TET3: variants seen among roughly 807,000 people sequenced by gnomAD.
TET3 encodes tet methylcytosine dioxygenase 3, also known as methylcytosine dioxygenase TET3.
TET3 carries 19 observed loss-of-function variants against 141.4 expected under a neutral mutation model. The ratio of observed to expected loss-of-function variants is 0.13; its 90% confidence interval spans 0.09 to 0.20. The LOEUF (loss-of-function observed/expected upper bound fraction) is 0.20, where lower values mean the gene tolerates loss of function less well. Ranked by LOEUF, TET3 falls within the 10% of genes least tolerant of loss-of-function variation. The probability of loss-of-function intolerance (pLI) is 1.00; values close to 1 mark genes in which losing one functional copy is unlikely to be tolerated. For missense variants in TET3, 1,874 were observed against 2,356.9 expected, an observed-to-expected ratio of 0.80 and a Z score of 4.24; for synonymous variants, 1,043 against 980.9, an observed-to-expected ratio of 1.06 and a Z score of -1.18.
In TET3 at chr2:74,047,271, A is replaced by G. The variant is rs376199025; in HGVS notation, c.1354A>G (p.Met452Val). 3.1e-6 allele frequency: 5 copies of G among 1,613,832 alleles called. No homozygotes were observed. The highest frequency in any genetic ancestry group is 4.2e-6 in the Non-Finnish European group (5 of 1,179,900). The change falls in exon 4 of 12, where the codon ATG (methionine) becomes GTG (valine). Residue 452 changes from methionine to valine, a missense_variant. Coordinates refer to ENST00000409262, the MANE Select transcript of TET3 (RefSeq NM_001287491.2). Reference sequence around the variant, plus strand: ...AGCAACGCCCCGGAGCTCCTGGCCCATGCCTCGCCCAAGCCCCGATCCCAT... The same window carrying G: ...AGCAACGCCCCGGAGCTCCTGGCCCGTGCCTCGCCCAAGCCCCGATCCCAT... ...PPATPRSSWP[M>V]PRPSPDPMAE...
chr2:74,110,642 C>T (rs1691680733), downstream of TET3, among the ~76,000 whole-genome samples: 1 of 152,172 alleles, frequency 6.6e-6, no homozygotes, highest in Admixed American at 6.5e-5. Context: ...ACCTCATCCC[C>T]ACTCCAGAGG....
chr2:74,059,446 GGTTTC>G (rs1558756437), intron 4 of TET3, among the ~76,000 whole-genome samples: 1 of 152,182 alleles, frequency 6.6e-6, no homozygotes, highest in Non-Finnish European at 1.5e-5. Flanking sequence ...GTAGAGACAG[GGTTTC>G]GCCAGGTTGG....
intron 5 of TET3, among the ~76,000 whole-genome samples, chr2:74,076,608 CTT>C (rs565794507): frequency 9.9e-5 from 14 of 141,696 alleles, no homozygotes; most frequent in Non-Finnish European, 1.1e-4. Flanking sequence ...ACCAGCATAC[CTT>C]TTTTTTTTTT....
At chr2:74,096,782 A>G (rs1212665787) in intron 10 of TET3, among the ~76,000 whole-genome samples, 19 of 142,968 alleles carry the variant, frequency 1.3e-4, no homozygotes, top group African/African-American at 4.7e-4. Context: ...AAAAAAAAAG[A>G]AAGAAAGAAA....
Position 74,047,874 on chromosome 2 carries a change from G to A in TET3, c.1957G>A (p.Gly653Ser), listed in dbSNP as rs370432180. 7 of 1,612,848 alleles carry A rather than the reference G, an allele frequency of 4.3e-6. No individual in the cohort carries two copies. The African/African-American group carries it at 8.0e-5, about 18-fold the overall frequency. Reference protein sequence around the residue: ...HPPAPLPASQGSAVPLPPEPS... With the variant: ...HPPAPLPASQSSAVPLPPEPS... ...ACCGGCCCCTCTGCCTGCCTCACAG[G>A]GCTCTGCTGTGCCCCTGCCCCCAGA... is the stretch of plus-strand genomic sequence containing the variant. The change falls in exon 4 of 12, where the codon GGC becomes AGC. Residue 653 changes from glycine (G) to serine (S), a missense_variant. Physicochemically the swap from Gly to Ser is moderately conservative, Grantham distance 56. Around this residue, in one of 10 missense-constraint regions of TET3, gnomAD observed 484 missense variants for 462.2 expected, o/e 1.05. Coordinates refer to ENST00000409262, the MANE Select transcript of TET3 (RefSeq NM_001287491.2).
chr2:74,030,150 A>C (rs1686601038), intron 3 of TET3, among the ~76,000 whole-genome samples: 1 of 152,204 alleles, frequency 6.6e-6, no homozygotes, highest in African/African-American at 2.4e-5. Flanking sequence ...TGAATACATA[A>C]TTATGTATGC....
chr2:74,072,658 A>G (rs1318448421), intron 4 of TET3, among the ~76,000 whole-genome samples: 1 of 152,210 alleles, frequency 6.6e-6, no homozygotes, highest in Non-Finnish European at 1.5e-5. Flanking sequence ...CATTAATTAC[A>G]TTCACAATAT....
At chr2:74,120,167 C>A in the TET3 span, among the ~76,000 whole-genome samples, 3 of 152,242 alleles carry the variant, frequency 2.0e-5, no homozygotes, top group Middle Eastern at 3.2e-3. Context: ...CTGCTTCGGG[C>A]TCCTCCCGGG....
chr2:73,992,439 G>T (rs1183705218), intron 2 of TET3, among the ~76,000 whole-genome samples: 1 of 151,714 alleles, frequency 6.6e-6, no homozygotes, highest in Non-Finnish European at 1.5e-5. Flanking sequence ...TCAGCCTCCC[G>T]AGTAGCTGGG....
Position 74,047,894 on chromosome 2 carries a change from C to G in TET3, c.1977C>G (p.Pro659=). Residue 659 remains proline (P), a synonymous_variant, in exon 4 of 12, where the codon CCC becomes CCG. Transcript: ENST00000409262. ...CACAGGGCTCTGCTGTGCCCCTGCC[C>G]CCAGAACCTTCTCTTGCGCTATTTG... ...PASQGSAVPL[P]PEPSLALFAP... is the part of the protein sequence containing the mutation. 3 of 1,613,408 alleles carry G rather than the reference C, an allele frequency of 1.9e-6. No homozygotes were observed. The highest frequency in any genetic ancestry group is 2.5e-6 in the Non-Finnish European group (3 of 1,179,664).
chr2:74,092,526 C>A (rs1275904873), intron 8 of TET3, among the ~76,000 whole-genome samples: 1 of 152,134 alleles, frequency 6.6e-6, no homozygotes, highest in Non-Finnish European at 1.5e-5. Context: ...AGGAAAGATC[C>A]ACAGTTGTTG....
rs13410625 is a variant in TET3, at chr2:74,061,910, G to A, written c.2495-11639G>A. 6.7e-3 allele frequency among the ~76,000 whole-genome samples: 1,009 copies of A among 150,740 alleles called. 14 individuals carry two copies. Among genetic ancestry groups the A allele is most frequent in the African/African-American group, 0.024 (973 of 40,830 alleles). On this transcript the variant is annotated intron_variant, in intron 4 of 11. Transcript: ENST00000409262. ...TCACTTCCTAGATGGGATGGCGGCC[G>A]GGCAGAGATGCTCCTCACTTTCCAG...
chr2:74,070,003 A>G (rs146024656), intron 4 of TET3, among the ~76,000 whole-genome samples: 103 of 152,326 alleles, frequency 6.8e-4, no homozygotes, highest in African/African-American at 2.2e-3. Context: ...AAGTTGAACC[A>G]TATAAAATTA....
upstream of TET3, among the ~76,000 whole-genome samples, chr2:73,984,379 C>T (rs1488096737): frequency 6.6e-6 from 1 of 152,210 alleles, no homozygotes; most frequent in African/African-American, 2.4e-5. The surrounding 1 kb of genome is among the most constrained non-coding windows in gnomAD (Gnocchi z 5.6). Context: ...GCCGGCCAGG[C>T]TGACTCGGTA....
At chr2:74,038,248 A>G (rs765826345) in intron 3 of TET3, among the ~76,000 whole-genome samples, 2 of 152,178 alleles carry the variant, frequency 1.3e-5, no homozygotes, top group African/African-American at 2.4e-5. Context: ...CATGGAGTGT[A>G]GTGAAGAGTT....
At chr2:74,007,559 C>T (rs563629518) in intron 3 of TET3, among the ~76,000 whole-genome samples, 2 of 152,288 alleles carry the variant, frequency 1.3e-5, no homozygotes, top group South Asian at 2.1e-4. Context: ...AGAGTGTGGG[C>T]CCCGCAGCCC....
chr2:74,033,397 G>A (rs1686860620), intron 3 of TET3, among the ~76,000 whole-genome samples: 1 of 152,182 alleles, frequency 6.6e-6, no homozygotes, highest in Non-Finnish European at 1.5e-5. Context: ...CAAATATTAT[G>A]TACTTCCCCC....
At chr2:74,061,418 G>A (rs1466714903) in intron 4 of TET3, among the ~76,000 whole-genome samples, 4 of 144,880 alleles carry the variant, frequency 2.8e-5, no homozygotes, top group East Asian at 2.1e-4. Flanking sequence ...AGGGCGGGGG[G>A]CTGACCCCCC....
At chr2:74,126,416 C>G in the TET3 span, among the ~76,000 whole-genome samples, 1 of 151,944 alleles carries the variant, frequency 6.6e-6, no homozygotes. Context: ...GCAGTAGCTA[C>G]ACTCATACAT....
Sources: allele counts gnomAD v4.1 joint callset (sites outside exome capture counted in the v4.1 genomes callset), GRCh38; gene constraint gnomAD v4.1.1; regional missense constraint gnomAD v4.1.1; non-coding constraint Gnocchi (gnomAD v3.1); transcripts MANE v1.5; gene names NCBI Gene and HGNC (gene_info 2026-07-23, HGNC 2026-07-21).